The following NDST4 variants were observed in gnomAD, a reference collection of about 807,000 sequenced individuals.
NDST4 encodes N-deacetylase and N-sulfotransferase 4, also known as N-heparan sulfate sulfotransferase 4.
In NDST4, 63 loss-of-function variants were observed where a neutral mutation model predicts 100.8. The ratio of observed to expected loss-of-function variants is 0.62; its 90% CI spans 0.51 to 0.77. The LOEUF (loss-of-function observed/expected upper bound fraction) is 0.77. Ranked by LOEUF, NDST4 falls within the 30% of genes least tolerant of loss-of-function variation. NDST4 has a pLI of 0.00. For missense variants in NDST4, 943 were observed against 1,018.4 expected (o/e 0.93, Z 1.01); for synonymous variants, 377 against 361.8 (o/e 1.04, Z -0.48).
Position 114,935,236 on chromosome 4 carries a change from A to G in NDST4, c.1506T>C (p.Gly502=), listed in dbSNP as rs1725602319. 3 of 1,608,526 alleles carry G rather than the reference A, an allele frequency of 1.9e-6. No individual in the cohort carries two copies. The highest frequency in any genetic ancestry group is 2.5e-6 in the Non-Finnish European group (3 of 1,177,524). The change falls in exon 6 of 14, where the codon GGT becomes GGC. Residue 502 remains glycine, a synonymous_variant. Transcript: ENST00000264363. ...TTAGAAGGATTGTGAGAAAAAGTTC[A>G]CCTCCTCTGATACTTTTATCCAGTT... The part of the protein sequence containing the change: ...PQELDKSIRG[G]ELFLTILLNP...
intron 6 of NDST4, among the ~76,000 whole-genome samples, chr4:114,896,563 G>T (rs1381690968): frequency 2.0e-5 from 3 of 150,642 alleles, no homozygotes; most frequent in Non-Finnish European, 4.4e-5. Context: ...GGCGGAGGTT[G>T]CAGTGAGCCA....
chr4:114,884,214 A>C (rs1724430722), intron 6 of NDST4, among the ~76,000 whole-genome samples: 2 of 152,116 alleles, frequency 1.3e-5, no homozygotes, highest in Non-Finnish European at 2.9e-5. Context: ...ACACTCACAT[A>C]TTGAACTTAA....
At chr4:115,107,852 G>T (rs1729861836) in intron 1 of NDST4, among the ~76,000 whole-genome samples, 1 of 151,978 alleles carries the variant, frequency 6.6e-6, no homozygotes, top group Non-Finnish European at 1.5e-5. Flanking sequence ...TGAAAAATAT[G>T]TCCAGACAGA....
At chr4:114,949,048 C>T (rs1479791444) in intron 4 of NDST4, among the ~76,000 whole-genome samples, 1 of 151,800 alleles carries the variant, frequency 6.6e-6, no homozygotes, top group Admixed American at 6.6e-5. Flanking sequence ...AAAACTTTGG[C>T]TTTTAATTAT....
At chr4:115,040,368 T>C (rs1357058936) in intron 2 of NDST4, among the ~76,000 whole-genome samples, 1 of 149,644 alleles carries the variant, frequency 6.7e-6, no homozygotes, top group African/African-American at 2.5e-5. Context: ...CAATATGAAC[T>C]ACCAAAAAAT....
chr4:114,915,457 CTTG>C (rs1725149059), intron 6 of NDST4, among the ~76,000 whole-genome samples: 3 of 152,116 alleles, frequency 2.0e-5, no homozygotes, highest in South Asian at 2.1e-4. Flanking sequence ...TAATAATAAT[CTTG>C]TTAACAGTCA....
intron 2 of NDST4, among the ~76,000 whole-genome samples, chr4:114,996,295 C>A (rs998505115): frequency 6.6e-6 from 1 of 151,970 alleles, no homozygotes; most frequent in African/African-American, 2.4e-5. Flanking sequence ...TCCCGCTGCC[C>A]CTGTGAAGAG....
intron 6 of NDST4, among the ~76,000 whole-genome samples, chr4:114,875,925 A>G (rs567829340): frequency 1.3e-5 from 2 of 152,356 alleles, no homozygotes; most frequent in East Asian, 1.9e-4. Context: ...AGAATATATT[A>G]TACAGCATTT....
chr4:114,838,496 G>C (rs1723350866), intron 11 of NDST4, among the ~76,000 whole-genome samples: 1 of 152,138 alleles, frequency 6.6e-6, no homozygotes, highest in Admixed American at 6.5e-5. Flanking sequence ...CTATAAAAAA[G>C]GATGAGTTCA....
intron 10 of NDST4, among the ~76,000 whole-genome samples, chr4:114,840,180 G>C (rs377421474): frequency 1.3e-5 from 2 of 151,982 alleles, no homozygotes; most frequent in African/African-American, 2.4e-5. Context: ...TGTTTGAAAG[G>C]GTTTCTATCT....
intron 4 of NDST4, among the ~76,000 whole-genome samples, chr4:114,947,308 G>C (rs1194720634): frequency 1.3e-5 from 2 of 152,088 alleles, no homozygotes; most frequent in African/African-American, 4.8e-5. Context: ...GCATATACAA[G>C]GGAATGAATG....
chr4:114,890,993 T>C (rs940632523), intron 6 of NDST4, among the ~76,000 whole-genome samples: 1 of 152,068 alleles, frequency 6.6e-6, no homozygotes, highest in Non-Finnish European at 1.5e-5. Context: ...TGTATTTGGC[T>C]TTGGGTTTGA....
chr4:114,996,109 A>G (rs1244444819), intron 2 of NDST4, among the ~76,000 whole-genome samples: 1 of 152,044 alleles, frequency 6.6e-6, no homozygotes, highest in Non-Finnish European at 1.5e-5. Context: ...TCCCCACTCA[A>G]ATCTCACCTT....
At chr4:115,040,886 G>A (rs1728335021) in intron 2 of NDST4, among the ~76,000 whole-genome samples, 1 of 151,720 alleles carries the variant, frequency 6.6e-6, no homozygotes, top group Non-Finnish European at 1.5e-5. Context: ...TAAATCAAAA[G>A]GATAATAAAA....
At chr4:114,901,296 T>C (rs758120776) in intron 6 of NDST4, among the ~76,000 whole-genome samples, 6 of 152,068 alleles carry the variant, frequency 3.9e-5, no homozygotes, top group Non-Finnish European at 5.9e-5. Context: ...TGAAGTTCTA[T>C]CGTTTTTGCC....
At chr4:115,104,419 T>G (rs780768346) in intron 1 of NDST4, among the ~76,000 whole-genome samples, 24 of 152,106 alleles carry the variant, frequency 1.6e-4, no homozygotes, top group Non-Finnish European at 5.9e-5. Context: ...TCTCTTCACC[T>G]ACCTCTCAGC....
chr4:114,919,867 T>C (rs921044248), intron 6 of NDST4, among the ~76,000 whole-genome samples: 1 of 152,144 alleles, frequency 6.6e-6, no homozygotes, highest in African/African-American at 2.4e-5. Flanking sequence ...AATTGGGATA[T>C]AATTTGGAAG....
At chr4:114,920,037 A>G (rs1246142082) in intron 6 of NDST4, among the ~76,000 whole-genome samples, 1 of 152,032 alleles carries the variant, frequency 6.6e-6, no homozygotes, top group Non-Finnish European at 1.5e-5. Flanking sequence ...TTAGCCAATG[A>G]CTCTGCACAC....
intron 2 of NDST4, among the ~76,000 whole-genome samples, chr4:115,036,634 C>T (rs1230134680): frequency 2.0e-5 from 3 of 151,684 alleles, no homozygotes; most frequent in Admixed American, 1.3e-4. Flanking sequence ...GATGTCAAAC[C>T]CAAATTCCAC....
Sources: allele counts gnomAD v4.1 joint callset (sites outside exome capture counted in the v4.1 genomes callset), GRCh38; gene constraint gnomAD v4.1.1; transcripts MANE v1.5; gene names NCBI Gene and HGNC (gene_info 2026-07-23, HGNC 2026-07-21).